C1QTNF3: variants seen among roughly 807,000 people sequenced by gnomAD.
The protein encoded by C1QTNF3 is C1q and TNF related 3.
In C1QTNF3, 26 loss-of-function variants were observed where a neutral mutation model predicts 32.6. The observed-to-expected ratio is 0.80, with a 90% CI of 0.58 to 1.11. The LOEUF (loss-of-function observed/expected upper bound fraction) is 1.11, where lower values mean the gene tolerates loss of function less well. C1QTNF3 is among the 50% of genes least tolerant of loss of function. The pLI is 0.00. For missense variants in C1QTNF3, 362 were observed against 398.2 expected, an observed-to-expected ratio of 0.91 and a Z score of 0.77; for synonymous variants, 155 against 146.0, an observed-to-expected ratio of 1.06 and a Z score of -0.44.
the C1QTNF3 span, among the ~76,000 whole-genome samples, chr5:34,050,914 G>A: frequency 1.3e-5 from 2 of 152,196 alleles, no homozygotes; most frequent in Non-Finnish European, 2.9e-5. Context: ...CCTTGTAACA[G>A]AGTCTTGATT....
the C1QTNF3 span, chr5:34,167,683 A>C: frequency 6.6e-6 from 1 of 152,194 alleles, no homozygotes; most frequent in Non-Finnish European, 1.5e-5. Flanking sequence ...TTTTCTCATG[A>C]GGAACATATA....
chr5:34,130,356 A>C, the C1QTNF3 span, among the ~76,000 whole-genome samples: 5 of 151,974 alleles, frequency 3.3e-5, no homozygotes, highest in African/African-American at 1.2e-4. Context: ...ATTAAATCCA[A>C]ATCATTACAT....
the C1QTNF3 span, among the ~76,000 whole-genome samples, chr5:34,241,045 G>A: frequency 2.3e-4 from 35 of 151,114 alleles, no homozygotes; most frequent in Admixed American, 1.1e-3. Context: ...ATGGATGCCG[G>A]AAAAGCTTTC....
chr5:34,185,642 T>C, the C1QTNF3 span, among the ~76,000 whole-genome samples: 33 of 151,460 alleles, frequency 2.2e-4, no homozygotes, highest in African/African-American at 8.1e-4. Context: ...ACAAAAAGGA[T>C]ACCTGACTAT....
At chr5:34,197,811 G>C in the C1QTNF3 span, among the ~76,000 whole-genome samples, 1 of 152,022 alleles carries the variant, frequency 6.6e-6, no homozygotes, top group African/African-American at 2.4e-5. Context: ...ACCGGCGGCT[G>C]GATGGTGCAA....
the C1QTNF3 span, among the ~76,000 whole-genome samples, chr5:34,171,084 T>C: frequency 9.1e-4 from 139 of 152,238 alleles, no homozygotes; most frequent in Non-Finnish European, 1.5e-3. Flanking sequence ...TTGTAAAGAA[T>C]AGAATCTGCC....
At chr5:34,169,695 C>T in the C1QTNF3 span, among the ~76,000 whole-genome samples, 2 of 151,906 alleles carry the variant, frequency 1.3e-5, no homozygotes, top group African/African-American at 4.8e-5. Flanking sequence ...CTTTTGATGT[C>T]ATATTCAAAA....
chr5:34,064,704 G>A, the C1QTNF3 span, among the ~76,000 whole-genome samples: 1 of 152,180 alleles, frequency 6.6e-6, no homozygotes, highest in Non-Finnish European at 1.5e-5. Flanking sequence ...GCAAGCAAAA[G>A]CTCAGCTCAA....
the C1QTNF3 span, among the ~76,000 whole-genome samples, chr5:34,130,130 TATACACACAC>T: frequency 6.7e-6 from 1 of 148,534 alleles, no homozygotes; most frequent in Non-Finnish European, 1.5e-5. Context: ...ATTTTATATA[TATACACACAC>T]ACACACACAC....
At chr5:34,022,209 A>G (rs1472949919) in intron 5 of C1QTNF3, among the ~76,000 whole-genome samples, 2 of 152,366 alleles carry the variant, frequency 1.3e-5, no homozygotes, top group South Asian at 2.1e-4. Flanking sequence ...AAAATCGAGT[A>G]AAAAACAGAG....
chr5:34,087,284 G>A, the C1QTNF3 span, among the ~76,000 whole-genome samples: 1 of 150,490 alleles, frequency 6.6e-6, no homozygotes, highest in Non-Finnish European at 1.5e-5. Flanking sequence ...CATGAAGTAA[G>A]ATTATGTAAC....
chr5:34,076,906 G>C, the C1QTNF3 span, among the ~76,000 whole-genome samples: 1 of 151,480 alleles, frequency 6.6e-6, no homozygotes, highest in Admixed American at 6.6e-5. Flanking sequence ...AGGGTTATGA[G>C]AGCCAAACAT....
At chr5:34,241,293 C>A in the C1QTNF3 span, among the ~76,000 whole-genome samples, 2 of 151,958 alleles carry the variant, frequency 1.3e-5, no homozygotes, top group African/African-American at 4.8e-5. Flanking sequence ...TCAGAGCAAT[C>A]TCGCAACAGA....
chr5:34,217,840 A>C, the C1QTNF3 span, among the ~76,000 whole-genome samples: 1 of 152,108 alleles, frequency 6.6e-6, no homozygotes, highest in East Asian at 1.9e-4. Flanking sequence ...CAGTGAGGGA[A>C]TAAGGTATGA....
intron 2 of C1QTNF3, among the ~76,000 whole-genome samples, chr5:34,033,670 G>A (rs1754671261): frequency 2.6e-5 from 4 of 152,164 alleles, no homozygotes; most frequent in Admixed American, 2.0e-4. Flanking sequence ...CCTTTGAAGC[G>A]AGGCTTGGAG....
intron 5 of C1QTNF3, among the ~76,000 whole-genome samples, chr5:34,023,694 G>A (rs766484646): frequency 3.3e-4 from 50 of 152,078 alleles, no homozygotes; most frequent in Non-Finnish European, 6.8e-4. Flanking sequence ...TTAATGCAAG[G>A]CCTCTTATCA....
the C1QTNF3 span, among the ~76,000 whole-genome samples, chr5:34,132,913 G>C: frequency 2.6e-5 from 4 of 152,048 alleles, no homozygotes; most frequent in African/African-American, 7.2e-5. Context: ...ATGAAGCCTA[G>C]TTATCATCTG....
chr5:34,052,894 C>A, the C1QTNF3 span, among the ~76,000 whole-genome samples: 1 of 152,142 alleles, frequency 6.6e-6, no homozygotes, highest in Admixed American at 6.6e-5. Flanking sequence ...TCACTAAAAA[C>A]AATTTCTTTT....
the C1QTNF3 span, among the ~76,000 whole-genome samples, chr5:34,088,403 C>A: frequency 6.6e-6 from 1 of 152,078 alleles, no homozygotes; most frequent in African/African-American, 2.4e-5. Context: ...TGTGAGCAAT[C>A]AGAATGATAT....
Sources: allele counts gnomAD v4.1 joint callset (sites outside exome capture counted in the v4.1 genomes callset), GRCh38; gene constraint gnomAD v4.1.1; transcripts MANE v1.5; gene names NCBI Gene and HGNC (gene_info 2026-07-23, HGNC 2026-07-21).